The following RPS6KA2 variants were observed in gnomAD, a reference collection of about 807,000 sequenced individuals.
RPS6KA2 encodes ribosomal protein S6 kinase A2.
A neutral mutation model predicts 91.8 loss-of-function variants in RPS6KA2; 42 were observed. That is an observed-to-expected ratio of 0.46 (90% CI 0.36 to 0.59). RPS6KA2 has a LOEUF of 0.59. RPS6KA2 is among the 20% of genes least tolerant of loss of function. The pLI, the probability that RPS6KA2 is intolerant of heterozygous loss-of-function variation, is 0.00. For missense variants in RPS6KA2, 798 were observed against 978.5 expected, an observed-to-expected ratio of 0.82 and a Z score of 2.46; for synonymous variants, 414 against 393.6, an observed-to-expected ratio of 1.05 and a Z score of -0.61.
At chr6:166,625,803 C>T (rs1356481847) in intron 1 of RPS6KA2, among the ~76,000 whole-genome samples, 4 of 152,158 alleles carry the variant, frequency 2.6e-5, no homozygotes, top group African/African-American at 9.6e-5. Context: ...CCTCGGGAAC[C>T]GGCCATACTG....
intron 3 of RPS6KA2, among the ~76,000 whole-genome samples, chr6:166,517,450 GTTTTGTTTTTTTTTTTTTTTTT>G (rs1188673295): frequency 3.6e-5 from 3 of 83,800 alleles, no homozygotes; most frequent in African/African-American, 2.0e-4. Context: ...GCGTTCTTTT[GTTTTGTTTTTTTTTTTTTTTTT>G]TTTTTTTTTT....
intron 2 of RPS6KA2, among the ~76,000 whole-genome samples, chr6:166,716,564 C>T (rs1473599226): frequency 7.2e-5 from 11 of 152,190 alleles, no homozygotes; most frequent in Admixed American, 1.3e-4. Flanking sequence ...TTCAGATGTG[C>T]GGTCTGCTGG....
Position 166,543,442 on chromosome 6 carries a change from G to A in RPS6KA2, c.100-4658C>T, listed in dbSNP as rs534182381. 2.0e-5 allele frequency among the ~76,000 whole-genome samples: 3 copies of A among 152,272 alleles called. No homozygotes were observed. In the East Asian group the frequency reaches 5.8e-4, roughly 29 times the overall value. On this transcript the variant is annotated intron_variant, in intron 1 of 20. Coordinates refer to ENST00000265678, the MANE Select transcript of RPS6KA2 (RefSeq NM_021135.6). ...TGACTTTCATTATCTCACCAAAGGT[G>A]CCCTTCTCAAGCCATCCAAATCTTA... is the stretch of plus-strand genomic sequence containing the variant.
chr6:166,428,588 G>T (rs1288533203), intron 16 of RPS6KA2, among the ~76,000 whole-genome samples: 1 of 141,474 alleles, frequency 7.1e-6, no homozygotes, highest in Non-Finnish European at 1.5e-5. Flanking sequence ...AATCTACAAT[G>T]AACTCAAACA....
chr6:166,795,201 T>C (rs1779193781), intron 2 of RPS6KA2, among the ~76,000 whole-genome samples: 1 of 152,208 alleles, frequency 6.6e-6, no homozygotes, highest in Non-Finnish European at 1.5e-5. Context: ...GGTCTTTCAG[T>C]GTCTTAAAAT....
chr6:166,527,714 C>T (rs1040140933), intron 3 of RPS6KA2, among the ~76,000 whole-genome samples: 2 of 152,156 alleles, frequency 1.3e-5, no homozygotes, highest in Non-Finnish European at 2.9e-5. Flanking sequence ...GTTCCCACCT[C>T]TCTCACCCCC....
chr6:166,675,163 G>A lies in RPS6KA2; in HGVS notation c.124-136379C>T, dbSNP rs116359419. Among the ~76,000 whole-genome samples, 456 of 152,288 alleles carry A rather than the reference G, an allele frequency of 3.0e-3. 2 individuals are homozygous for A. The highest frequency in any genetic ancestry group is 0.01 in the African/African-American group (421 of 41,560). On this transcript the variant is annotated intron_variant, in intron 2 of 21. Transcript: ENST00000503859. ...TGCCCAGCTTGCCAGCAAGCGGAGGGCACTCACACTGGGGACAGGGCCCAA... is the reference window on the plus strand; with the variant it reads ...TGCCCAGCTTGCCAGCAAGCGGAGGACACTCACACTGGGGACAGGGCCCAA...
At chr6:166,709,267 A>C (rs1789777330) in intron 2 of RPS6KA2, among the ~76,000 whole-genome samples, 1 of 152,126 alleles carries the variant, frequency 6.6e-6, no homozygotes, top group South Asian at 2.1e-4. Context: ...TTATTAATGG[A>C]GGAATAAGAA....
intron 1 of RPS6KA2, among the ~76,000 whole-genome samples, chr6:166,602,502 C>T (rs2128527182): frequency 6.6e-6 from 1 of 152,300 alleles, no homozygotes; most frequent in East Asian, 1.9e-4. Flanking sequence ...GGACTGTTGG[C>T]ACAGTCAGAT....
chr6:166,645,413 G>A (rs1315338689), intron 2 of RPS6KA2, among the ~76,000 whole-genome samples: 4 of 152,146 alleles, frequency 2.6e-5, no homozygotes, highest in South Asian at 2.1e-4. Context: ...TGGAGTTTCC[G>A]TTTAGCCGCT....
chr6:166,587,179 A>C (rs1255629329), intron 1 of RPS6KA2, among the ~76,000 whole-genome samples: 1 of 152,236 alleles, frequency 6.6e-6, no homozygotes, highest in Non-Finnish European at 1.5e-5. Flanking sequence ...TTATGAACTC[A>C]GGGAAATATT....
chr6:166,698,438 G>A (rs559566811), intron 2 of RPS6KA2, among the ~76,000 whole-genome samples: 1 of 152,222 alleles, frequency 6.6e-6, no homozygotes, highest in Non-Finnish European at 1.5e-5. Context: ...AACAGTCATT[G>A]TGGAGTGAGA....
At chr6:166,676,897 G>C (rs1413919091) in intron 2 of RPS6KA2, among the ~76,000 whole-genome samples, 1 of 152,100 alleles carries the variant, frequency 6.6e-6, no homozygotes, top group Non-Finnish European at 1.5e-5. Flanking sequence ...TTCTTGTTTT[G>C]ACTGATTAGT....
At chr6:166,499,582 A>C (rs998307734) in intron 7 of RPS6KA2, among the ~76,000 whole-genome samples, 4 of 152,188 alleles carry the variant, frequency 2.6e-5, no homozygotes, top group African/African-American at 9.7e-5. Context: ...TATACAGGGC[A>C]GTTCTCCTGC....
intron 2 of RPS6KA2, among the ~76,000 whole-genome samples, chr6:166,838,569 A>G (rs1253810026): frequency 6.6e-6 from 1 of 152,228 alleles, no homozygotes; most frequent in Admixed American, 6.5e-5. Flanking sequence ...AATATACTTT[A>G]CTGCTGGTTT....
In RPS6KA2 at chr6:166,412,943, C is replaced by T. The variant is rs1239923005; in HGVS notation, c.2077-56G>A. 10 of 1,490,380 alleles carry T rather than the reference C, an allele frequency of 6.7e-6. No homozygotes were observed. Among genetic ancestry groups the T allele is most frequent in the Middle Eastern group, 3.5e-4 (2 of 5,694 alleles). 92.3% of individuals were successfully genotyped at this position (1,490,380 alleles called of 1,614,324 possible). Reference sequence around the variant, plus strand: ...CGGCGCCTCACTCCAGGGGTTGAGCCGGAGCCCGGGGCCTCCATGGGCCTC... The same window carrying T: ...CGGCGCCTCACTCCAGGGGTTGAGCTGGAGCCCGGGGCCTCCATGGGCCTC... On this transcript the variant is annotated intron_variant, in intron 20 of 20. Coordinates refer to ENST00000265678, the MANE Select transcript of RPS6KA2 (RefSeq NM_021135.6). This position sits in a 1 kb window ranked among gnomAD's most constrained non-coding sequence, Gnocchi z 4.3.
At position 166,571,098 on chromosome 6, in the gene RPS6KA2, G is replaced by A. The variant is rs1784672395; in HGVS notation, c.100-32314C>T. Reference sequence around the variant, plus strand: ...ACTGTCACAACAGTGCGGTGAGGACGCACCCCAGGACCGATGAGGCCGGCC... The same window carrying A: ...ACTGTCACAACAGTGCGGTGAGGACACACCCCAGGACCGATGAGGCCGGCC... On this transcript the variant is annotated intron_variant, in intron 1 of 20. Transcript: ENST00000265678. Among the ~76,000 whole-genome samples the A allele has an allele frequency of 2.0e-5, 3 of 152,324 alleles. 1 individual carries two copies. The highest frequency in any genetic ancestry group is 4.1e-4 in the South Asian group (2 of 4,824).
chr6:166,862,083 A>C (rs1349380712), intron 1 of RPS6KA2: 2 of 1,614,038 alleles, frequency 1.2e-6, no homozygotes, highest in Admixed American at 3.3e-5. Context: ...GATGCTGTGA[A>C]AAGTGCGTTC....
At chr6:166,861,500 A>C (rs1421790670) in intron 1 of RPS6KA2, among the ~76,000 whole-genome samples, 1 of 152,208 alleles carries the variant, frequency 6.6e-6, no homozygotes, top group Admixed American at 6.5e-5. Context: ...TGGAGTGAAA[A>C]ACTCTCAGCA....
Sources: allele counts gnomAD v4.1 joint callset (sites outside exome capture counted in the v4.1 genomes callset), GRCh38; gene constraint gnomAD v4.1.1; non-coding constraint Gnocchi (gnomAD v3.1); transcripts MANE v1.5; gene names NCBI Gene and HGNC (gene_info 2026-07-23, HGNC 2026-07-21).